NSMCE1: variants seen among roughly 807,000 people sequenced by gnomAD.
NSMCE1 encodes NSE1 component of SMC5/6 complex.
A neutral mutation model predicts 29.6 loss-of-function variants in NSMCE1; 18 were observed. That is an observed-to-expected ratio of 0.61 (90% confidence interval 0.42 to 0.90). NSMCE1 has a LOEUF of 0.90. Among genes scored for constraint, NSMCE1 ranks in the 40% least tolerant of loss-of-function variants. The probability of loss-of-function intolerance (pLI) is 0.00; values close to 1 mark genes in which losing one functional copy is unlikely to be tolerated. For missense variants in NSMCE1, 314 were observed against 343.6 expected (o/e 0.91, Z 0.68); for synonymous variants, 124 against 133.4 (o/e 0.93, Z 0.49).
chr16:27,260,950 T>TGAGGTCAGGAGGTGGA (rs1476805101), intron 1 of NSMCE1, among the ~76,000 whole-genome samples: 1 of 150,726 alleles, frequency 6.6e-6, no homozygotes, highest in African/African-American at 2.4e-5. Context: ...GTCAATCACC[T>TGAGGTCAGGAGGTGGA]GAGGTCAGGA....
chr16:27,232,653 C>G lies in NSMCE1; in HGVS notation c.483+348G>C, dbSNP rs988973939. Among the ~76,000 whole-genome samples the G allele has an allele frequency of 6.6e-6, 1 of 152,246 alleles. No homozygotes were observed. Among genetic ancestry groups the G allele is most frequent in the African/African-American group, 2.4e-5 (1 of 41,466 alleles). ...GAGGTCACCTGGCTCAGGGTTCAGACCCGGGTTAGATGTTAGAGCCACACT... is the reference window on the plus strand; with the variant it reads ...GAGGTCACCTGGCTCAGGGTTCAGAGCCGGGTTAGATGTTAGAGCCACACT... On this transcript the variant is annotated intron_variant, in intron 5 of 7. Coordinates refer to ENST00000361439, the MANE Select transcript of NSMCE1 (RefSeq NM_145080.4). This position sits in a 1 kb window ranked among gnomAD's most constrained non-coding sequence, Gnocchi z 4.5.
chr16:27,236,293 T>A (rs1162742996), intron 2 of NSMCE1, among the ~76,000 whole-genome samples: 2 of 22,852 alleles, frequency 8.8e-5, no homozygotes, highest in Non-Finnish European at 1.4e-4. Context: ...GCTGTGAAAC[T>A]TTTTTTTTTT....
At chr16:27,235,352 A>C (rs2083809642) in intron 2 of NSMCE1, 53 bp from the exon 3 acceptor site, 1 of 1,597,032 alleles carries the variant, frequency 6.3e-7, no homozygotes, top group Non-Finnish European at 8.5e-7. Context: ...CTCATCAAAA[A>C]AATGTAGCTT....
intron 2 of NSMCE1, among the ~76,000 whole-genome samples, chr16:27,257,181 G>A (rs2084096535): frequency 6.6e-6 from 1 of 152,140 alleles, no homozygotes; most frequent in Admixed American, 6.5e-5. Context: ...AGGTCCTGGA[G>A]GCTTGGTGTG....
At chr16:27,240,984 G>A (rs971839640) in intron 2 of NSMCE1, among the ~76,000 whole-genome samples, 2 of 152,196 alleles carry the variant, frequency 1.3e-5, no homozygotes, top group Non-Finnish European at 2.9e-5. Flanking sequence ...TGAGGCAGGA[G>A]GATAGCTTGA....
chr16:27,225,770 G>T lies in NSMCE1; in HGVS notation c.677C>A (p.Pro226Gln). Residue 226 changes from proline (P) to glutamine (Q), a missense_variant, in exon 7 of 8, where the codon CCG (proline) becomes CAG (glutamine). Transcript: ENST00000361439. ...VAKYFQSNAE[P>Q]RCPHCNDYWP... Reference sequence around the variant, plus strand: ...GTAGTCGTTGCAGTGGGGGCAGCGCGGTTCAGCATTCGACTGGAAGTACTT... The same window carrying T: ...GTAGTCGTTGCAGTGGGGGCAGCGCTGTTCAGCATTCGACTGGAAGTACTT... 6.2e-7 allele frequency: 1 copy of T among 1,614,158 alleles called. No homozygotes were observed. Among genetic ancestry groups the T allele is most frequent in the South Asian group, 1.1e-5 (1 of 91,082 alleles).
At chr16:27,236,231 T>G (rs1002726482) in intron 2 of NSMCE1, among the ~76,000 whole-genome samples, 1 of 151,420 alleles carries the variant, frequency 6.6e-6, no homozygotes, top group African/African-American at 2.4e-5. Flanking sequence ...CCAGGAAGCC[T>G]CTGAGCACTG....
At chr16:27,238,559 A>G (rs1024605470) in intron 2 of NSMCE1, among the ~76,000 whole-genome samples, 3 of 149,998 alleles carry the variant, frequency 2.0e-5, no homozygotes, top group Non-Finnish European at 3.0e-5. Context: ...TTTTTTTACA[A>G]TTGTCTTTCT....
At chr16:27,225,299 G>C (rs892546490) in intron 7 of NSMCE1, 63 bp from the exon 8 acceptor site, 2 of 950,842 alleles carry the variant, frequency 2.1e-6, no homozygotes, top group African/African-American at 3.2e-5. Context: ...AGGGGCACCA[G>C]CTGGAGCCAG....
chr16:27,240,665 C>T (rs115621926), intron 2 of NSMCE1, among the ~76,000 whole-genome samples: 19 of 152,362 alleles, frequency 1.2e-4, no homozygotes, highest in African/African-American at 4.6e-4. Flanking sequence ...AGGCAAGTGA[C>T]AAGCACTGAA....
intron 1 of NSMCE1, among the ~76,000 whole-genome samples, chr16:27,267,108 T>TA (rs1158798804): frequency 6.6e-6 from 1 of 152,066 alleles, no homozygotes; most frequent in Non-Finnish European, 1.5e-5. Flanking sequence ...ATAAACCAAT[T>TA]AAAAAAACCT....
At chr16:27,230,012 AG>A (rs1460062340) in intron 5 of NSMCE1, among the ~76,000 whole-genome samples, 2 of 152,340 alleles carry the variant, frequency 1.3e-5, no homozygotes, top group African/African-American at 4.8e-5. Context: ...AGACGACGAC[AG>A]CCCAGGTGAT....
At chr16:27,238,127 C>T (rs918162334) in intron 2 of NSMCE1, among the ~76,000 whole-genome samples, 1 of 152,196 alleles carries the variant, frequency 6.6e-6, no homozygotes, top group Non-Finnish European at 1.5e-5. Flanking sequence ...CTTTCAGCAG[C>T]AACAGAGGTG....
chr16:27,226,727 A>AGGAGGCT lies in NSMCE1; in HGVS notation c.586_592dup (p.Leu198GlnfsTer30), dbSNP rs1166611693. The AGGAGGCT allele has an allele frequency of 5.1e-5, 82 of 1,607,806 alleles. No individual in the cohort carries two copies. The highest frequency in any genetic ancestry group is 6.9e-5 in the Non-Finnish European group (81 of 1,174,396). On this transcript the variant is annotated frameshift_variant, in exon 6 of 8. Transcript: ENST00000361439. LOFTEE classifies it high-confidence loss of function. ...GCCCTGCCCTGCGGGTACCTGGATG[A>AGGAGGCT]GGAGGCTGTGACAGATATTGCAGAT... is the stretch of plus-strand genomic sequence containing the variant.
Position 27,225,081 on chromosome 16 carries a change from C to T in NSMCE1, c.*76G>A, listed in dbSNP as rs565814991. On this transcript the variant is annotated 3_prime_UTR_variant, in exon 8 of 8. Coordinates refer to ENST00000361439, the MANE Select transcript of NSMCE1 (RefSeq NM_145080.4). ...GGTGACTCGCGTGGAACCTGAAACA[C>T]GGACGCCTTTCTTCCAAGAAGGGCT... 3.0e-4 allele frequency: 244 copies of T among 812,390 alleles called. 2 individuals carry two copies. The highest frequency in any genetic ancestry group is 2.5e-3 in the South Asian group (171 of 68,270). The allele number at this position is 812,390 out of a possible 1,614,324, so 50.3% of individuals were successfully genotyped here. A position where few individuals can be genotyped will look rare whatever the true frequency, so the allele number is the denominator to read the frequency against.
At chr16:27,262,076 G>A (rs866700594) in intron 1 of NSMCE1, among the ~76,000 whole-genome samples, 1 of 151,972 alleles carries the variant, frequency 6.6e-6, no homozygotes, top group Non-Finnish European at 1.5e-5. Context: ...AAACTCTGTC[G>A]CTACCAAAAA....
chr16:27,234,325 G>A (rs1040131792), intron 3 of NSMCE1, 60 bp from the exon 4 acceptor site: 12 of 1,155,446 alleles, frequency 1.0e-5, no homozygotes, highest in African/African-American at 3.0e-5. Context: ...TTAACGTGTC[G>A]CTGGCTCTCC....
At chr16:27,264,212 A>C (rs1474248024) in intron 1 of NSMCE1, among the ~76,000 whole-genome samples, 1 of 151,968 alleles carries the variant, frequency 6.6e-6, no homozygotes, top group African/African-American at 2.4e-5. Flanking sequence ...AAAAACAAAA[A>C]TTAAAAAAAA....
intron 2 of NSMCE1, among the ~76,000 whole-genome samples, chr16:27,235,746 C>T (rs1422607135): frequency 6.6e-6 from 1 of 152,266 alleles, no homozygotes; most frequent in Non-Finnish European, 1.5e-5. Context: ...TGTCCCCACA[C>T]ATCTTAGGTG....
Sources: gnomAD v4.1 joint callset for allele counts (sites outside exome capture counted in the v4.1 genomes callset) on GRCh38, gnomAD v4.1.1 for gene constraint, Gnocchi (gnomAD v3.1) non-coding constraint, MANE v1.5 for transcripts, NCBI Gene and HGNC (gene_info 2026-07-23, HGNC 2026-07-21) for gene names.